Variants in TSPEAR observed in about 807,000 individuals in gnomAD.
The protein encoded by TSPEAR is thrombospondin-type laminin G domain and EAR repeat-containing protein.
A neutral mutation model predicts 71.6 loss-of-function variants in TSPEAR; 69 were observed. The ratio of observed to expected loss-of-function variants is 0.96; its 90% confidence interval spans 0.79 to 1.18. The LOEUF (loss-of-function observed/expected upper bound fraction) is 1.18, where lower values mean the gene tolerates loss of function less well. Among genes scored for constraint, TSPEAR ranks in the 50% most tolerant of loss-of-function variants. The pLI is 0.00. For missense variants in TSPEAR, 971 were observed against 894.9 expected (o/e 1.09, Z -1.09); for synonymous variants, 402 against 387.2 (o/e 1.04, Z -0.45).
At chr21:44,535,909 A>G (rs202131102) in intron 2 of TSPEAR, among the ~76,000 whole-genome samples, 1 of 134,268 alleles carries the variant, frequency 7.4e-6, no homozygotes. Context: ...AAAAAAAAAA[A>G]GGAAAAAAGA....
chr21:44,547,266 A>G (rs2053316967), intron 2 of TSPEAR, among the ~76,000 whole-genome samples: 1 of 152,074 alleles, frequency 6.6e-6, no homozygotes, highest in African/African-American at 2.4e-5. Context: ...GATATTCTCT[A>G]TTTGGTGAGG....
At position 44,711,198 on chromosome 21, in the gene TSPEAR, G is replaced by T. The variant is rs1038193775; in HGVS notation, c.82+235C>A. 1.3e-5 allele frequency among the ~76,000 whole-genome samples: 2 copies of T among 152,180 alleles called. No individual in the cohort carries two copies. Among genetic ancestry groups the T allele is most frequent in the Middle Eastern group, 3.2e-3 (1 of 316 alleles). On this transcript the variant is annotated intron_variant, in intron 1 of 11. Coordinates refer to ENST00000323084, the MANE Select transcript of TSPEAR (RefSeq NM_144991.3). The surrounding 1 kb of genome is among the most constrained non-coding windows in gnomAD (Gnocchi z 4.5). ...CTCTTGAAGCTCGTCCCCACCCTGC[G>T]TGCGTTCTAAAGAGCCGCGTTTCTA...
rs587656987 is a variant in TSPEAR at position 44,509,535 on chromosome 21, G to C, written c.1567-149C>G. 1.1e-3 allele frequency: 678 copies of C among 591,554 alleles called. 1 individual carries two copies. Among genetic ancestry groups the C allele is most frequent in the Non-Finnish European group, 1.7e-3 (581 of 338,124 alleles). The allele number at this position is 591,554 out of a possible 1,614,324, so 36.6% of individuals were successfully genotyped here. A position where few individuals can be genotyped will look rare whatever the true frequency, so the allele number is the denominator to read the frequency against. ...GGAGGGGGCGCAGAGGTGTGGGTGA[G>C]CGGGCGCAGAGGTGTGGGTGAGCGG... On this transcript the variant is annotated intron_variant, in intron 9 of 11. Coordinates refer to ENST00000323084, the MANE Select transcript of TSPEAR (RefSeq NM_144991.3).
Position 44,502,704 on chromosome 21 carries a change from G to GC in TSPEAR, c.1856+2075dup, listed in dbSNP as rs3833575. ...CCAGCTCAGATCCCACACGGGTGCA[G>GC]CCAGCGCCGGGCCATCCACTGGGCC... On this transcript the variant is annotated intron_variant, in intron 11 of 11. Transcript: ENST00000323084. 2.0e-5 allele frequency among the ~76,000 whole-genome samples: 3 copies of GC among 152,394 alleles called. No homozygotes were observed. In the East Asian group the frequency reaches 5.8e-4, roughly 29 times the overall value.
At chr21:44,564,945 C>T (rs925742117) in intron 2 of TSPEAR, among the ~76,000 whole-genome samples, 2 of 151,282 alleles carry the variant, frequency 1.3e-5, no homozygotes, top group South Asian at 4.2e-4. Context: ...GTATTCTGGC[C>T]ACAATAAAAT....
At chr21:44,665,815 C>T (rs1555944532) in intron 1 of TSPEAR, among the ~76,000 whole-genome samples, 1 of 152,180 alleles carries the variant, frequency 6.6e-6, no homozygotes, top group Non-Finnish European at 1.5e-5. Flanking sequence ...GTTCTGTAAA[C>T]TTGAGATCCT....
At chr21:44,510,671 G>C (rs1295026075) in intron 9 of TSPEAR, 1 of 152,324 alleles carries the variant, frequency 6.6e-6, no homozygotes, top group African/African-American at 2.4e-5. Context: ...CCAGCAGGGG[G>C]CGCCGTTGCC....
chr21:44,677,290 C>T (rs781868290), intron 1 of TSPEAR: 1 of 812,810 alleles, frequency 1.2e-6, no homozygotes, highest in Non-Finnish European at 2.1e-6. Context: ...TTCAACGCAC[C>T]TTGCACTGTG....
intron 1 of TSPEAR, among the ~76,000 whole-genome samples, chr21:44,704,758 G>A (rs1555952050): frequency 6.6e-6 from 1 of 152,178 alleles, no homozygotes; most frequent in African/African-American, 2.4e-5. Flanking sequence ...GCCATGCGCT[G>A]CCTCCACACC....
chr21:44,654,782 T>G (rs1985037565), intron 1 of TSPEAR: 1 of 588,976 alleles, frequency 1.7e-6, no homozygotes, highest in Non-Finnish European at 3.1e-6. Context: ...CTTTCTGTGT[T>G]TTTCTGTTGA....
chr21:44,522,052 T>C lies in TSPEAR; in HGVS notation c.1397A>G (p.Glu466Gly), dbSNP rs1401098466. ...YKWNPATRLF[E>G]ANQTIATSGA... ...GGAGGTGGCGATGGTCTGGTTGGCC[T>C]CGAAGAGCCGGGTTGCCGGGTTCCA... is the stretch of plus-strand genomic sequence containing the variant. Residue 466 changes from glutamate to glycine, a missense_variant, in exon 9 of 12, where the codon GAG (glutamate) becomes GGG (glycine). Coordinates refer to ENST00000323084, the MANE Select transcript of TSPEAR (RefSeq NM_144991.3). 1 of 1,614,054 alleles carries C rather than the reference T, an allele frequency of 6.2e-7. No homozygotes were observed. The highest frequency in any genetic ancestry group is 8.5e-7 in the Non-Finnish European group (1 of 1,179,986).
At chr21:44,557,224 C>T (rs1268551566) in intron 2 of TSPEAR, among the ~76,000 whole-genome samples, 1 of 152,124 alleles carries the variant, frequency 6.6e-6, no homozygotes, top group Non-Finnish European at 1.5e-5. Context: ...AAAGAAAACA[C>T]ACCTGTCTTA....
intron 1 of TSPEAR, among the ~76,000 whole-genome samples, chr21:44,704,249 A>AC (rs146556832): frequency 0.31 from 45,788 of 147,046 alleles, 7,219 homozygotes; most frequent in South Asian, 0.45. Flanking sequence ...TGGGTACCCC[A>AC]CCCCCCCACC....
intron 10 of TSPEAR, 48 bp downstream of exon 10, chr21:44,509,151 G>A (rs1193537540): frequency 1.4e-5 from 22 of 1,578,808 alleles, no homozygotes; most frequent in Non-Finnish European, 1.7e-5. Flanking sequence ...GACATGGTGG[G>A]CCTCCCAGAG....
At chr21:44,588,240 G>C (rs1873482996) in intron 1 of TSPEAR, among the ~76,000 whole-genome samples, 1 of 152,112 alleles carries the variant, frequency 6.6e-6, no homozygotes. Context: ...ATTCTCAAAA[G>C]AAGATATACA....
chr21:44,545,175 G>A (rs369075556), intron 2 of TSPEAR, among the ~76,000 whole-genome samples: 511 of 151,954 alleles, frequency 3.4e-3, no homozygotes, highest in Middle Eastern at 0.01. Flanking sequence ...AAAATTAGCC[G>A]GGCATGGTGG....
intron 1 of TSPEAR, among the ~76,000 whole-genome samples, chr21:44,643,942 G>A (rs1438394804): frequency 3.3e-5 from 5 of 152,342 alleles, no homozygotes; most frequent in African/African-American, 7.2e-5. Flanking sequence ...AGCCAGCCAC[G>A]ACGAAAGGGA....
chr21:44,673,704 T>C (rs943096033), intron 1 of TSPEAR, among the ~76,000 whole-genome samples: 1 of 152,210 alleles, frequency 6.6e-6, no homozygotes, highest in Admixed American at 6.5e-5. Flanking sequence ...ACAGACCCTA[T>C]GTTTGGCCAC....
At chr21:44,594,466 A>T (rs1980223718) in intron 1 of TSPEAR, among the ~76,000 whole-genome samples, 1 of 152,156 alleles carries the variant, frequency 6.6e-6, no homozygotes, top group African/African-American at 2.4e-5. Context: ...CAGACACCAG[A>T]TCTTGCAAGA....
Sources: gnomAD v4.1 joint callset for allele counts (sites outside exome capture counted in the v4.1 genomes callset) on GRCh38, gnomAD v4.1.1 for gene constraint, Gnocchi (gnomAD v3.1) non-coding constraint, MANE v1.5 for transcripts, NCBI Gene and HGNC (gene_info 2026-07-23, HGNC 2026-07-21) for gene names.